EFCAB14: variants seen among roughly 807,000 people sequenced by gnomAD.
The protein encoded by EFCAB14 is EF-hand calcium-binding domain-containing protein 14.
A neutral mutation model predicts 56.5 loss-of-function variants in EFCAB14; 43 were observed. The observed-to-expected ratio is 0.76, with a 90% CI of 0.60 to 0.98. EFCAB14 has a LOEUF of 0.98. Among genes scored for constraint, EFCAB14 ranks in the 50% least tolerant of loss-of-function variants. The pLI is 0.00. For synonymous variants in EFCAB14, 235 were observed against 212.9 expected, an observed-to-expected ratio of 1.10 and a Z score of -0.90; for missense variants, 538 against 580.3, an observed-to-expected ratio of 0.93 and a Z score of 0.75.
chr1:46,717,801 C>CTTTTTTTTTTTTTTTTTTTTTTTTT, intron 1 of EFCAB14, 102 bp downstream of exon 1: 1 of 1,324,578 alleles, frequency 7.5e-7, no homozygotes. Context: ...GGCCTACACC[C>CTTTTTTTTTTTTTTTTTTTTTTTTT]TTTTTTCTTC....
intron 2 of EFCAB14, among the ~76,000 whole-genome samples, chr1:46,713,407 A>G (rs570952844): frequency 5.3e-5 from 8 of 152,222 alleles, no homozygotes; most frequent in Non-Finnish European, 8.8e-5. Flanking sequence ...ATAATTCTTG[A>G]CATCTCCTGA....
intron 3 of EFCAB14, among the ~76,000 whole-genome samples, chr1:46,707,326 C>G (rs1677247615): frequency 6.6e-6 from 1 of 152,152 alleles, no homozygotes; most frequent in Non-Finnish European, 1.5e-5. Flanking sequence ...TGATCAACAT[C>G]CTTAGAATAA....
rs372592740 is a variant in EFCAB14, at chr1:46,716,091, G to C, written c.334+204C>G. On this transcript the variant is annotated intron_variant, in intron 2 of 10. Coordinates refer to ENST00000371933, the MANE Select transcript of EFCAB14 (RefSeq NM_014774.3). ...GGTGAAACCCCGTCTCTACTAAAAA[G>C]ACAAAAAAATTAGCTGGGTGTGGTG... 1.4e-4 allele frequency among the ~76,000 whole-genome samples: 21 copies of C among 151,276 alleles called. No homozygotes were observed. The South Asian group carries it at 4.4e-3, about 32-fold the overall frequency.
intron 4 of EFCAB14, among the ~76,000 whole-genome samples, chr1:46,692,411 T>C (rs1042818120): frequency 6.6e-6 from 1 of 152,234 alleles, no homozygotes; most frequent in African/African-American, 2.4e-5. Flanking sequence ...GCTATAAACA[T>C]TCGTGTTCAG....
intron 3 of EFCAB14, 136 bp downstream of exon 3, chr1:46,707,770 G>C (rs1677254005): frequency 9.3e-6 from 7 of 756,172 alleles, no homozygotes; most frequent in Non-Finnish European, 1.2e-5. Flanking sequence ...TGGGATTACA[G>C]TATGCAAAAC....
chr1:46,718,163 C>T lies in EFCAB14; in HGVS notation c.-76G>A. On this transcript the variant is annotated 5_prime_UTR_variant, in exon 1 of 11. Transcript: ENST00000371933. ...ACCCGATGCCCAATTCTCTTCCTGC[C>T]TTGGAGCTGCCTTCCAGGGTTGGGA... is the stretch of plus-strand genomic sequence containing the variant. 1 of 1,505,224 alleles carries T rather than the reference C, an allele frequency of 6.6e-7. No individual in the cohort carries two copies. The highest frequency in any genetic ancestry group is 9.1e-7 in the Non-Finnish European group (1 of 1,103,786). 93.2% of individuals were successfully genotyped at this position (1,505,224 alleles called of 1,614,324 possible). A position where few individuals can be genotyped will look rare whatever the true frequency, so the allele number is the denominator to read the frequency against.
chr1:46,708,827 C>T (rs1211154307), intron 2 of EFCAB14, among the ~76,000 whole-genome samples: 4 of 152,156 alleles, frequency 2.6e-5, no homozygotes, highest in Non-Finnish European at 5.9e-5. Flanking sequence ...AGGGATTTGC[C>T]AGCCTGAAGG....
At chr1:46,716,804 C>G (rs775175578) in intron 1 of EFCAB14, among the ~76,000 whole-genome samples, 2 of 152,174 alleles carry the variant, frequency 1.3e-5, no homozygotes, top group Non-Finnish European at 2.9e-5. Context: ...TGGAATTTGC[C>G]TATTGATTTC....
chr1:46,698,714 T>C (rs1454478202), intron 3 of EFCAB14, among the ~76,000 whole-genome samples: 1 of 152,110 alleles, frequency 6.6e-6, no homozygotes, highest in Non-Finnish European at 1.5e-5. Flanking sequence ...TCATAATGTG[T>C]GTGTGTATGT....
At chr1:46,681,876 CTCA>C (rs1676800769) in intron 10 of EFCAB14, among the ~76,000 whole-genome samples, 1 of 151,886 alleles carries the variant, frequency 6.6e-6, no homozygotes, top group African/African-American at 2.4e-5. Context: ...CCCATTCATT[CTCA>C]TCAAATATTG....
chr1:46,713,011 T>C lies in EFCAB14; in HGVS notation c.334+3284A>G, dbSNP rs554050162. 4.0e-5 allele frequency among the ~76,000 whole-genome samples: 6 copies of C among 151,050 alleles called. No homozygotes were observed. The South Asian group carries it at 1.0e-3, about 26-fold the overall frequency. On this transcript the variant is annotated intron_variant, in intron 2 of 10. Transcript: ENST00000371933. ...CCTTGGTAACAAGAGCAAAACTCCA[T>C]CTCAAAAACAACCAACCAACCAACC... is the stretch of plus-strand genomic sequence containing the variant.
Position 46,718,129 on chromosome 1 carries a change from C to G in EFCAB14, c.-42G>C. Reference sequence around the variant, plus strand: ...AGTGGAGCCCCGACTCCTGAGCTGCCAGGTTCGTACCCGATGCCCAATTCT... The same window carrying G: ...AGTGGAGCCCCGACTCCTGAGCTGCGAGGTTCGTACCCGATGCCCAATTCT... On this transcript the variant is annotated 5_prime_UTR_variant, in exon 1 of 11. Coordinates refer to ENST00000371933, the MANE Select transcript of EFCAB14 (RefSeq NM_014774.3). The G allele has an allele frequency of 6.3e-7, 1 of 1,596,754 alleles. No homozygotes were observed. The highest frequency in any genetic ancestry group is 8.6e-7 in the Non-Finnish European group (1 of 1,168,674).
chr1:46,688,318 A>G (rs780199199), intron 7 of EFCAB14, 35 bp downstream of exon 7: 1 of 1,595,152 alleles, frequency 6.3e-7, no homozygotes, highest in Admixed American at 1.7e-5. Flanking sequence ...CAGACAAAAC[A>G]CACTGCATGT....
At chr1:46,692,886 G>GA (rs1192786409) in intron 4 of EFCAB14, among the ~76,000 whole-genome samples, 2 of 152,186 alleles carry the variant, frequency 1.3e-5, no homozygotes, top group African/African-American at 4.8e-5. Flanking sequence ...CTTCCCTAAA[G>GA]AAAAAATATT....
Position 46,686,553 on chromosome 1 carries a change from T to G in EFCAB14, c.1074+231A>C, listed in dbSNP as rs980947101. ...GCTCCACCACAATAGGGGTCACATG[T>G]CTGCCTTGCTCACTATGGTCCCCCC... On this transcript the variant is annotated intron_variant, in intron 8 of 10. Coordinates refer to ENST00000371933, the MANE Select transcript of EFCAB14 (RefSeq NM_014774.3). 5.7e-6 allele frequency: 3 copies of G among 527,990 alleles called. No individual in the cohort carries two copies. In the African/African-American group the frequency reaches 5.8e-5, roughly 10 times the overall value. The allele number at this position is 527,990 out of a possible 1,614,324, so 32.7% of individuals were successfully genotyped here.
chr1:46,707,313 G>A (rs1185031100), intron 3 of EFCAB14, among the ~76,000 whole-genome samples: 1 of 152,206 alleles, frequency 6.6e-6, no homozygotes, highest in Non-Finnish European at 1.5e-5. Context: ...CATACAAGAT[G>A]CTTGATCAAC....
At chr1:46,714,588 T>G (rs1677358977) in intron 2 of EFCAB14, among the ~76,000 whole-genome samples, 1 of 152,102 alleles carries the variant, frequency 6.6e-6, no homozygotes, top group South Asian at 2.1e-4. Flanking sequence ...GCCCAGGAGT[T>G]CGAGACCAGT....
chr1:46,702,644 A>G (rs1421834501), intron 3 of EFCAB14, among the ~76,000 whole-genome samples: 1 of 152,248 alleles, frequency 6.6e-6, no homozygotes, highest in Non-Finnish European at 1.5e-5. Flanking sequence ...GCACAAAGAA[A>G]GCATTTAATG....
intron 3 of EFCAB14, among the ~76,000 whole-genome samples, chr1:46,707,398 T>C (rs945786529): frequency 1.3e-5 from 2 of 152,196 alleles, no homozygotes; most frequent in Admixed American, 1.3e-4. Context: ...CTGGTCAATT[T>C]AGGGACTGGA....
Sources: gnomAD v4.1 joint callset for allele counts (sites outside exome capture counted in the v4.1 genomes callset) on GRCh38, gnomAD v4.1.1 for gene constraint, MANE v1.5 for transcripts, NCBI Gene and HGNC (gene_info 2026-07-23, HGNC 2026-07-21) for gene names.